The following ARHGAP24 variants were observed in gnomAD, a reference collection of about 807,000 sequenced individuals.
ARHGAP24 encodes Rho GTPase activating protein 24.
In ARHGAP24, 50 loss-of-function variants were observed where a neutral mutation model predicts 76.4. That is an observed-to-expected ratio of 0.65 (90% CI 0.52 to 0.83). The LOEUF (loss-of-function observed/expected upper bound fraction) is 0.83. Ranked by LOEUF, ARHGAP24 falls within the 40% of genes least tolerant of loss-of-function variation. The pLI, the probability that ARHGAP24 is intolerant of heterozygous loss-of-function variation, is 0.00. For synonymous variants in ARHGAP24, 345 were observed against 323.3 expected (o/e 1.07, Z -0.72); for missense variants, 930 against 914.2 (o/e 1.02, Z -0.22).
intron 1 of ARHGAP24, among the ~76,000 whole-genome samples, chr4:85,560,532 G>T (rs1423396806): frequency 6.6e-6 from 1 of 152,108 alleles, no homozygotes. Context: ...TCTATTCTGT[G>T]ATGTTTTGAA....
chr4:85,969,274 G>A (rs563850319), intron 5 of ARHGAP24, among the ~76,000 whole-genome samples: 28 of 152,190 alleles, frequency 1.8e-4, no homozygotes, highest in Middle Eastern at 6.8e-3. Context: ...CTTAAAAACA[G>A]TGTGTTTGGG....
At chr4:85,800,219 T>G (rs990677954) in intron 3 of ARHGAP24, among the ~76,000 whole-genome samples, 1 of 152,328 alleles carries the variant, frequency 6.6e-6, no homozygotes, top group Non-Finnish European at 1.5e-5. Flanking sequence ...TATATTACCT[T>G]TGCAACTCTT....
intron 8 of ARHGAP24, among the ~76,000 whole-genome samples, chr4:85,981,399 G>A (rs1739660479): frequency 6.6e-6 from 1 of 152,144 alleles, no homozygotes; most frequent in Non-Finnish European, 1.5e-5. Flanking sequence ...TTTCTGGTGA[G>A]ATTAGTGTTG....
chr4:85,791,506 A>G (rs912115689), intron 3 of ARHGAP24, among the ~76,000 whole-genome samples: 2 of 152,188 alleles, frequency 1.3e-5, no homozygotes, highest in East Asian at 1.9e-4. Context: ...AGAGAGTTAT[A>G]TCAATTATAT....
At chr4:85,796,559 A>G (rs1728349947) in intron 3 of ARHGAP24, among the ~76,000 whole-genome samples, 1 of 152,216 alleles carries the variant, frequency 6.6e-6, no homozygotes, top group African/African-American at 2.4e-5. Flanking sequence ...ATCTGGGTCC[A>G]ATCAGGAGAG....
intron 3 of ARHGAP24, among the ~76,000 whole-genome samples, chr4:85,786,473 G>A (rs1213317252): frequency 6.6e-6 from 1 of 152,100 alleles, no homozygotes; most frequent in Admixed American, 6.6e-5. Flanking sequence ...GGAATTAGTG[G>A]CATACATAAC....
intron 3 of ARHGAP24, among the ~76,000 whole-genome samples, chr4:85,839,843 CTTTTT>C (rs33974767): frequency 3.8e-5 from 4 of 105,622 alleles, no homozygotes; most frequent in East Asian, 2.8e-4. Context: ...TTTCTGTTTT[CTTTTT>C]TTTTTTTTTT....
At position 85,545,478 on chromosome 4, in the gene ARHGAP24, G is replaced by T. The variant is rs186524409; in HGVS notation, c.-20-25044G>T. 5.9e-5 allele frequency among the ~76,000 whole-genome samples: 9 copies of T among 152,286 alleles called. No individual in the cohort carries two copies. In the East Asian group the frequency reaches 1.7e-3, roughly 29 times the overall value. On this transcript the variant is annotated intron_variant, in intron 1 of 9. Transcript: ENST00000395184. Reference sequence around the variant, plus strand: ...TCTCTTCATAAAGGACCTAGCGCATGAGCCTCATTCTTTCCCCTTGGGCTG... The same window carrying T: ...TCTCTTCATAAAGGACCTAGCGCATTAGCCTCATTCTTTCCCCTTGGGCTG...
At chr4:85,780,955 CAA>C (rs1727529256) in intron 3 of ARHGAP24, among the ~76,000 whole-genome samples, 2 of 152,190 alleles carry the variant, frequency 1.3e-5, no homozygotes. Context: ...AAACAAATCC[CAA>C]GAGGCATACC....
At chr4:85,946,047 C>T (rs531314025) in intron 5 of ARHGAP24, among the ~76,000 whole-genome samples, 17 of 152,028 alleles carry the variant, frequency 1.1e-4, no homozygotes, top group Admixed American at 3.3e-4. Flanking sequence ...ATGTGGATGG[C>T]GGCAGGCAAA....
At chr4:85,548,519 A>G (rs1726004101) in intron 1 of ARHGAP24, among the ~76,000 whole-genome samples, 2 of 152,222 alleles carry the variant, frequency 1.3e-5, no homozygotes, top group South Asian at 4.1e-4. Flanking sequence ...TTCCAAAAGT[A>G]AGAAACCTAA....
chr4:85,688,593 T>A (rs1463295719), intron 2 of ARHGAP24, among the ~76,000 whole-genome samples: 1 of 152,204 alleles, frequency 6.6e-6, no homozygotes, highest in Non-Finnish European at 1.5e-5. Context: ...TACTTGTCAA[T>A]TTTTGTTTCT....
At chr4:85,792,762 G>T (rs1560635792) in intron 3 of ARHGAP24, among the ~76,000 whole-genome samples, 1 of 152,108 alleles carries the variant, frequency 6.6e-6, no homozygotes, top group East Asian at 1.9e-4. Context: ...AGAAATCTGA[G>T]ATCATCAAGT....
At chr4:85,894,023 G>A (rs1318931029) in intron 3 of ARHGAP24, among the ~76,000 whole-genome samples, 12 of 142,870 alleles carry the variant, frequency 8.4e-5, no homozygotes, top group South Asian at 6.9e-4. Context: ...TGGGTGCAGC[G>A]CACCAGCATG....
intron 8 of ARHGAP24, among the ~76,000 whole-genome samples, chr4:85,987,623 A>G (rs1740077919): frequency 6.6e-6 from 1 of 152,098 alleles, no homozygotes; most frequent in Non-Finnish European, 1.5e-5. Context: ...ATGTATTTTT[A>G]AAGTCCAAAT....
At chr4:85,709,576 A>G (rs1171730610) in intron 2 of ARHGAP24, among the ~76,000 whole-genome samples, 5 of 152,178 alleles carry the variant, frequency 3.3e-5, no homozygotes, top group Admixed American at 6.5e-5. Flanking sequence ...GACTAAGTTA[A>G]GAATATTTAC....
intron 3 of ARHGAP24, among the ~76,000 whole-genome samples, chr4:85,752,924 T>C (rs1726317582): frequency 6.6e-6 from 1 of 152,160 alleles, no homozygotes; most frequent in Admixed American, 6.6e-5. Flanking sequence ...AGAATTTCAT[T>C]ATTGTAGAGG....
At chr4:85,678,463 G>A (rs1723073054) in intron 2 of ARHGAP24, among the ~76,000 whole-genome samples, 1 of 152,168 alleles carries the variant, frequency 6.6e-6, no homozygotes, top group African/African-American at 2.4e-5. Context: ...GCCCAAATTT[G>A]TTTTCATTTA....
At chr4:85,982,920 T>TC (rs760718495) in intron 8 of ARHGAP24, among the ~76,000 whole-genome samples, 1 of 151,904 alleles carries the variant, frequency 6.6e-6, no homozygotes, top group African/African-American at 2.4e-5. Context: ...TGTTTTCCCT[T>TC]CCCCCCCTTC....
Sources: gnomAD v4.1 joint callset for allele counts (sites outside exome capture counted in the v4.1 genomes callset) on GRCh38, gnomAD v4.1.1 for gene constraint, MANE v1.5 for transcripts, NCBI Gene and HGNC (gene_info 2026-07-23, HGNC 2026-07-21) for gene names.